Variants in HS3ST4 observed in about 807,000 individuals in gnomAD.
The protein encoded by HS3ST4 is heparan sulfate glucosamine 3-O-sulfotransferase 4.
Under a neutral mutation model 29.2 loss-of-function variants are expected in HS3ST4, and 17 were observed. The ratio of observed to expected loss-of-function variants is 0.58; its 90% CI spans 0.40 to 0.87. HS3ST4 has a LOEUF of 0.87. Ranked by LOEUF, HS3ST4 falls within the 40% of genes least tolerant of loss-of-function variation. The pLI, the probability that HS3ST4 is intolerant of heterozygous loss-of-function variation, is 0.00. For missense variants in HS3ST4, 627 were observed against 634.5 expected, an observed-to-expected ratio of 0.99 and a Z score of 0.13; for synonymous variants, 314 against 285.7, an observed-to-expected ratio of 1.10 and a Z score of -1.00.
intron 1 of HS3ST4, among the ~76,000 whole-genome samples, chr16:26,109,951 A>G (rs1899106989): frequency 1.3e-5 from 2 of 152,204 alleles, no homozygotes. Flanking sequence ...CATACAATAT[A>G]TTAATATTAG....
At chr16:26,021,657 C>CTATTAT (rs79226603) in intron 1 of HS3ST4, among the ~76,000 whole-genome samples, 13 of 151,480 alleles carry the variant, frequency 8.6e-5, no homozygotes, top group South Asian at 8.4e-4. Context: ...AATCTAAGTT[C>CTATTAT]TATTATTATT....
intron 1 of HS3ST4, among the ~76,000 whole-genome samples, chr16:25,796,115 A>C (rs1051453125): frequency 1.3e-5 from 2 of 152,104 alleles, no homozygotes; most frequent in Admixed American, 1.3e-4. Flanking sequence ...GGCAGCCCTG[A>C]ACCCGTTTAC....
At chr16:25,985,343 AG>A (rs1969050722) in intron 1 of HS3ST4, among the ~76,000 whole-genome samples, 1 of 152,274 alleles carries the variant, frequency 6.6e-6, no homozygotes, top group East Asian at 1.9e-4. Flanking sequence ...GGAGAATGAG[AG>A]GCAATTTGGG....
At chr16:26,000,746 T>C (rs1969205091) in intron 1 of HS3ST4, among the ~76,000 whole-genome samples, 1 of 152,170 alleles carries the variant, frequency 6.6e-6, no homozygotes, top group South Asian at 2.1e-4. Context: ...AGAGTCAAAA[T>C]TTAAGGGCAT....
intron 1 of HS3ST4, among the ~76,000 whole-genome samples, chr16:26,120,067 G>A (rs56356321): frequency 4.0e-5 from 4 of 100,788 alleles, no homozygotes; most frequent in South Asian, 6.8e-4. Flanking sequence ...GTGTGTGTGT[G>A]TGTATGTGTG....
intron 1 of HS3ST4, among the ~76,000 whole-genome samples, chr16:26,046,697 A>G (rs1300800801): frequency 1.3e-5 from 2 of 151,892 alleles, no homozygotes; most frequent in South Asian, 2.1e-4. Context: ...AGAGAAATTT[A>G]TATATGTATA....
intron 1 of HS3ST4, among the ~76,000 whole-genome samples, chr16:25,965,025 C>A (rs1035593205): frequency 6.6e-6 from 1 of 152,124 alleles, no homozygotes; most frequent in African/African-American, 2.4e-5. Context: ...TAGGCATATT[C>A]TCTTTTCTAA....
chr16:25,838,969 C>A (rs1042270916), intron 1 of HS3ST4, among the ~76,000 whole-genome samples: 3 of 152,070 alleles, frequency 2.0e-5, no homozygotes, highest in Non-Finnish European at 4.4e-5. Flanking sequence ...TGGAATTTGG[C>A]CTTTGGTTAA....
chr16:25,824,941 A>C (rs1308936033), intron 1 of HS3ST4: 2 of 152,236 alleles, frequency 1.3e-5, no homozygotes, highest in Non-Finnish European at 2.9e-5. Context: ...GAACCAGTGA[A>C]TGTAGCCTCA....
Position 26,012,310 on chromosome 16 carries a change from A to T in HS3ST4, c.735-123302A>T, listed in dbSNP as rs566516714. ...AGGGGAAATTATATGCAATAATATC[A>T]AAAAGAAAGGGAAGGTTTGTCCCTC... On this transcript the variant is annotated intron_variant, in intron 1 of 1. Coordinates refer to ENST00000331351, the MANE Select transcript of HS3ST4 (RefSeq NM_006040.3). Among the ~76,000 whole-genome samples, 386 of 152,336 alleles carry T rather than the reference A, an allele frequency of 2.5e-3. 2 individuals are homozygous for T. The highest frequency in any genetic ancestry group is 8.5e-3 in the South Asian group (41 of 4,830).
At chr16:26,075,158 A>G (rs547884003) in intron 1 of HS3ST4, among the ~76,000 whole-genome samples, 2 of 152,124 alleles carry the variant, frequency 1.3e-5, no homozygotes, top group Admixed American at 6.5e-5. Context: ...GTGCCAGTGC[A>G]CTCCAGCCCG....
Position 25,875,659 on chromosome 16 carries a change from T to C in HS3ST4, c.734+182508T>C, listed in dbSNP as rs955834659. On this transcript the variant is annotated intron_variant, in intron 1 of 1. Transcript: ENST00000331351. ...GGCACGTTAAGCTGTGCCTTCAAATTTCAATTCTGTTTCCCACCCTTAGGA... is the reference window on the plus strand; with the variant it reads ...GGCACGTTAAGCTGTGCCTTCAAATCTCAATTCTGTTTCCCACCCTTAGGA... Among the ~76,000 whole-genome samples the C allele has an allele frequency of 4.6e-5, 7 of 152,132 alleles. No individual in the cohort carries two copies. In the South Asian group the frequency reaches 8.3e-4, roughly 18 times the overall value.
intron 1 of HS3ST4, among the ~76,000 whole-genome samples, chr16:25,934,382 T>A (rs1476509507): frequency 1.3e-5 from 2 of 152,182 alleles, no homozygotes; most frequent in African/African-American, 2.4e-5. Context: ...CCATTACACT[T>A]CTTTGTGGTT....
At chr16:25,757,925 C>T (rs1466366577) in intron 1 of HS3ST4, among the ~76,000 whole-genome samples, 1 of 151,990 alleles carries the variant, frequency 6.6e-6, no homozygotes, top group East Asian at 1.9e-4. Context: ...CTGGGTTGGG[C>T]CTTTGAATGG....
intron 1 of HS3ST4, among the ~76,000 whole-genome samples, chr16:25,747,896 T>G (rs1966694818): frequency 6.6e-6 from 1 of 152,128 alleles, no homozygotes; most frequent in Non-Finnish European, 1.5e-5. Context: ...GCTCTCAGCT[T>G]AATGTGTCAT....
chr16:25,928,871 G>A (rs140821828), intron 1 of HS3ST4, among the ~76,000 whole-genome samples: 2 of 152,292 alleles, frequency 1.3e-5, no homozygotes, highest in East Asian at 3.9e-4. Flanking sequence ...AGAAGTTCAA[G>A]TGCAAAGCTG....
chr16:25,872,556 G>A (rs1035764807), intron 1 of HS3ST4, among the ~76,000 whole-genome samples: 9 of 152,008 alleles, frequency 5.9e-5, no homozygotes, highest in African/African-American at 1.4e-4. Flanking sequence ...AGCAGAGCTC[G>A]CCCATGTGTC....
intron 1 of HS3ST4, among the ~76,000 whole-genome samples, chr16:25,927,402 G>A (rs1968415668): frequency 6.6e-6 from 1 of 152,214 alleles, no homozygotes; most frequent in South Asian, 2.1e-4. Flanking sequence ...GCAGAAATGA[G>A]GCCCCAGCTC....
intron 1 of HS3ST4, among the ~76,000 whole-genome samples, chr16:25,907,498 T>C (rs1419904973): frequency 6.6e-6 from 1 of 152,156 alleles, no homozygotes; most frequent in Non-Finnish European, 1.5e-5. Flanking sequence ...CTAAAAGATA[T>C]AATCAAATGC....
Sources: gnomAD v4.1 joint callset for allele counts (sites outside exome capture counted in the v4.1 genomes callset) on GRCh38, gnomAD v4.1.1 for gene constraint, MANE v1.5 for transcripts, NCBI Gene and HGNC (gene_info 2026-07-23, HGNC 2026-07-21) for gene names.